RAB9B: variants seen among roughly 807,000 people sequenced by gnomAD.
The protein encoded by RAB9B is ras-related protein Rab-9B.
In RAB9B, 1 loss-of-function variant was observed where a neutral mutation model predicts 8.9. The ratio of observed to expected loss-of-function variants is 0.11; its 90% CI spans 0.04 to 0.53. RAB9B has a LOEUF of 0.53. Among genes scored for constraint, RAB9B ranks in the 20% least tolerant of loss-of-function variants. The pLI, the probability that RAB9B is intolerant of heterozygous loss-of-function variation, is 0.93. For missense variants in RAB9B, 82 were observed against 152.9 expected, an observed-to-expected ratio of 0.54 and a Z score of 2.45; for synonymous variants, 63 against 57.0, an observed-to-expected ratio of 1.10 and a Z score of -0.47.
At chrX:103,785,615 G>A in the RAB9B span, 1 of 1,210,623 alleles carries the variant, frequency 8.3e-7, no homozygotes, top group Non-Finnish European at 1.1e-6. Flanking sequence ...TGTCTGGTAG[G>A]GGCCCCCTTT....
At chrX:103,821,528 C>T (rs774898282), downstream of RAB9B, among the ~76,000 whole-genome samples, 40 of 111,415 alleles carry the variant, frequency 3.6e-4, no homozygotes, top group African/African-American at 8.2e-4. Context: ...ATTTTAAAAC[C>T]GCCATTATGT....
chrX:103,777,076 C>T, the RAB9B span: 2 of 880,179 alleles, frequency 2.3e-6, no homozygotes, highest in East Asian at 3.2e-5. Context: ...CTTTGGGGTT[C>T]GGGGGTTCCA....
chrX:103,790,451 T>G, the RAB9B span: 2 of 735,265 alleles, frequency 2.7e-6, no homozygotes, highest in South Asian at 4.2e-5. Context: ...CTACCCTTCC[T>G]CATTCCCAAA....
At chrX:103,806,775 C>T in the RAB9B span, among the ~76,000 whole-genome samples, 1 of 111,314 alleles carries the variant, frequency 9.0e-6, no homozygotes, top group Non-Finnish European at 1.9e-5. Context: ...TTTTGAGGCT[C>T]TATTGTTAGG....
the RAB9B span, among the ~76,000 whole-genome samples, chrX:103,808,569 T>C: frequency 8.9e-6 from 1 of 112,780 alleles, no homozygotes; most frequent in Non-Finnish European, 1.9e-5. Context: ...CAAAGGCACA[T>C]GACCCACCCC....
the RAB9B span, among the ~76,000 whole-genome samples, chrX:103,796,471 A>AAAT: frequency 9.0e-6 from 1 of 111,055 alleles, no homozygotes; most frequent in South Asian, 3.9e-4. Context: ...CCTGTCTCAG[A>AAAT]AATAATAATA....
At chrX:103,811,044 A>G in the RAB9B span, among the ~76,000 whole-genome samples, 1 of 111,803 alleles carries the variant, frequency 8.9e-6, no homozygotes, top group East Asian at 2.8e-4. Context: ...CCCTAGGACC[A>G]AGGAGTGGAA....
the RAB9B span, chrX:103,785,640 C>T: frequency 2.5e-6 from 3 of 1,207,957 alleles, no homozygotes; most frequent in East Asian, 8.9e-5. Context: ...CCCTGGTGGC[C>T]ACTGGATTGT....
chrX:103,822,208 C>T (rs1027217614), downstream of RAB9B: 1 of 111,809 alleles, frequency 8.9e-6, no homozygotes, highest in Non-Finnish European at 1.9e-5. Flanking sequence ...CCACATGAAA[C>T]ATGATCCAGA....
the RAB9B span, among the ~76,000 whole-genome samples, chrX:103,801,262 C>T: frequency 9.0e-6 from 1 of 110,773 alleles, no homozygotes; most frequent in Non-Finnish European, 1.9e-5. Context: ...GTAGGGTTGT[C>T]CCCACTTCAG....
chrX:103,817,613 A>G (rs1223937952), downstream of RAB9B, among the ~76,000 whole-genome samples: 3 of 110,040 alleles, frequency 2.7e-5, no homozygotes, highest in Non-Finnish European at 3.8e-5. Context: ...TATATATACT[A>G]TATATATGCA....
chrX:103,815,581 A>G, the RAB9B span, among the ~76,000 whole-genome samples: 1 of 112,126 alleles, frequency 8.9e-6, no homozygotes, highest in Non-Finnish European at 1.9e-5. Flanking sequence ...AGTTCTGGCC[A>G]GGGCAATCAG....
chrX:103,799,996 A>T, the RAB9B span, among the ~76,000 whole-genome samples: 1 of 111,192 alleles, frequency 9.0e-6, no homozygotes, highest in Non-Finnish European at 1.9e-5. Context: ...CATCTTCCTG[A>T]TTTATGCCAG....
intron 1 of RAB9B, among the ~76,000 whole-genome samples, chrX:103,831,674 C>G (rs1220564403): frequency 1.8e-5 from 2 of 108,402 alleles, no homozygotes; most frequent in African/African-American, 6.8e-5. Flanking sequence ...ACGACAGGGG[C>G]ACTGTTAGCA....
the RAB9B span, chrX:103,787,686 C>A: frequency 1.6e-6 from 1 of 643,205 alleles, no homozygotes. Context: ...GAAGGAGAGC[C>A]CTGGAACCTG....
downstream of RAB9B, among the ~76,000 whole-genome samples, chrX:103,817,629 A>G (rs1569433641): frequency 2.7e-5 from 3 of 110,061 alleles, no homozygotes; most frequent in East Asian, 8.5e-4. Context: ...ATGCACACAT[A>G]TATATAAGTT....
chrX:103,831,017 G>T (rs526974), intron 1 of RAB9B, among the ~76,000 whole-genome samples: 3,060 of 110,633 alleles, frequency 0.028, 109 homozygotes, highest in African/African-American at 0.095. Flanking sequence ...GGAGGGCTAG[G>T]CACTGGATGA....
At chrX:103,784,665 C>T in the RAB9B span, among the ~76,000 whole-genome samples, 1 of 112,208 alleles carries the variant, frequency 8.9e-6, no homozygotes, top group Non-Finnish European at 1.9e-5. Context: ...TGCTAAAATC[C>T]TGTCTGACAA....
At chrX:103,814,763 CT>C in the RAB9B span, among the ~76,000 whole-genome samples, 7 of 111,736 alleles carry the variant, frequency 6.3e-5, no homozygotes, top group African/African-American at 2.3e-4. Context: ...GATATCACCC[CT>C]GATCCCACAG....
Sources: gnomAD v4.1 joint callset for allele counts (sites outside exome capture counted in the v4.1 genomes callset) on GRCh38, gnomAD v4.1.1 for gene constraint, MANE v1.5 for transcripts, NCBI Gene and HGNC (gene_info 2026-07-23, HGNC 2026-07-21) for gene names.